The following PUS10 variants were observed in gnomAD, a reference collection of about 807,000 sequenced individuals.
The protein encoded by PUS10 is pseudouridine synthase 10, also known as tRNA pseudouridine synthase Pus10.
PUS10 carries 59 observed loss-of-function variants against 75.0 expected under a neutral mutation model. The ratio of observed to expected loss-of-function variants is 0.79; its 90% CI spans 0.64 to 0.98. The LOEUF is 0.98. Among genes scored for constraint, PUS10 ranks in the 50% least tolerant of loss-of-function variants. The pLI is 0.00. For synonymous variants in PUS10, 219 were observed against 211.6 expected (o/e 1.03, Z -0.30); for missense variants, 650 against 614.4 (o/e 1.06, Z -0.61).
chr2:60,960,299 G>T, intron 11 of PUS10, 93 bp downstream of exon 11: 1 of 954,550 alleles, frequency 1.0e-6, no homozygotes, highest in Non-Finnish European at 1.5e-6. Context: ...AGCTGTGATC[G>T]TGCTACTGCA....
chr2:60,992,352 AT>A (rs1678143647), intron 4 of PUS10, among the ~76,000 whole-genome samples: 1 of 152,130 alleles, frequency 6.6e-6, no homozygotes. Context: ...TTAAAAAAAA[AT>A]GTTTTGGAAT....
At chr2:61,010,874 T>A (rs1279481297) in intron 2 of PUS10, 1 of 1,550,100 alleles carries the variant, frequency 6.5e-7, no homozygotes, top group East Asian at 2.4e-5. Context: ...CCTCTCTGTA[T>A]CTCAGTTTCT....
rs1680144588 is a variant in PUS10, at chr2:61,018,212, G to T, written c.-220C>A. 1.3e-6 allele frequency: 2 copies of T among 1,550,928 alleles called. No individual in the cohort carries two copies. Among genetic ancestry groups the T allele is most frequent in the Non-Finnish European group, 8.7e-7 (1 of 1,146,944 alleles). On this transcript the variant is annotated 5_prime_UTR_variant, in exon 1 of 18. Transcript: ENST00000316752. The stretch of plus-strand genomic sequence containing the variant: ...AGACTTTGGTCTGTAGCAGTTGAGA[G>T]CGGCATTTGTCCAGCCACGGCATCG...
intron 4 of PUS10, among the ~76,000 whole-genome samples, chr2:61,002,115 G>A (rs978096757): frequency 5.3e-5 from 8 of 152,190 alleles, no homozygotes; most frequent in Admixed American, 3.9e-4. Context: ...AACAGCACAA[G>A]CATTACCTAT....
chr2:61,017,755 A>G, intron 1 of PUS10: 2 of 1,548,934 alleles, frequency 1.3e-6, no homozygotes, highest in Admixed American at 2.0e-5. Flanking sequence ...GAGGAGGCGG[A>G]GGAGATGGCG....
chr2:60,970,155 G>GA (rs1195132848), intron 5 of PUS10, among the ~76,000 whole-genome samples: 3 of 151,442 alleles, frequency 2.0e-5, no homozygotes, highest in African/African-American at 7.3e-5. Flanking sequence ...AAAACATTTA[G>GA]AAAAAAGCAT....
intron 1 of PUS10, chr2:61,017,680 G>C (rs1449170136): frequency 3.5e-6 from 4 of 1,158,466 alleles, no homozygotes; most frequent in Non-Finnish European, 3.7e-6. Context: ...TCTGCCCGTT[G>C]TGTCTTACGC....
chr2:60,953,083 C>T lies in PUS10; in HGVS notation c.1222G>A (p.Glu408Lys). The change falls in exon 15 of 18, where the codon GAA becomes AAA. Residue 408 changes from glutamate to lysine, a missense_variant. Coordinates refer to ENST00000316752, the MANE Select transcript of PUS10 (RefSeq NM_144709.4). ...GCACTGTAGGTCTTTGTCTTTTCTT[C>T]TTCACCTTCTTTCATATGTCCTATT... ...EAIGHMKEGE[E>K]EKTKTYSALI... The T allele has an allele frequency of 1.2e-6, 2 of 1,605,202 alleles. No homozygotes were observed. The highest frequency in any genetic ancestry group is 1.3e-5 in the African/African-American group (1 of 74,864).
At chr2:60,994,668 T>C (rs1678332475) in intron 4 of PUS10, among the ~76,000 whole-genome samples, 1 of 152,206 alleles carries the variant, frequency 6.6e-6, no homozygotes, top group South Asian at 2.1e-4. Flanking sequence ...AGAGTTCTGG[T>C]TTCATATTTT....
chr2:60,947,673 C>CA (rs553146803), intron 16 of PUS10, among the ~76,000 whole-genome samples: 3 of 151,686 alleles, frequency 2.0e-5, no homozygotes, highest in South Asian at 4.2e-4. Context: ...ACTAAAAATA[C>CA]AAAAAATTAG....
At chr2:60,974,809 C>T (rs921032991) in intron 4 of PUS10, among the ~76,000 whole-genome samples, 3 of 152,264 alleles carry the variant, frequency 2.0e-5, no homozygotes, top group Non-Finnish European at 4.4e-5. Context: ...CCCATGCTCA[C>T]TCACACACCT....
At chr2:60,985,013 T>C (rs1247563498) in intron 4 of PUS10, among the ~76,000 whole-genome samples, 1 of 152,218 alleles carries the variant, frequency 6.6e-6, no homozygotes, top group African/African-American at 2.4e-5. Context: ...TCAGTAAGCA[T>C]GTGCTGTTTT....
At chr2:60,995,848 A>C (rs1186789332) in intron 4 of PUS10, among the ~76,000 whole-genome samples, 1 of 152,210 alleles carries the variant, frequency 6.6e-6, no homozygotes, top group Non-Finnish European at 1.5e-5. Context: ...CTTTGAGGCT[A>C]CCTCATGTTC....
Position 60,962,826 on chromosome 2 carries a change from T to G in PUS10, c.788A>C (p.Lys263Thr), listed in dbSNP as rs1265265279. ...LNKIKEEDFL[K>T]QFPCPPNSPK... ...TCTTTGTTTCTAAACTTCTACTTAC[T>G]TAAGGAAATCCTCTTCCTTTATCTT... The change falls in exon 9 of 18, where the codon AAG (lysine) becomes ACG (threonine). Residue 263 changes from lysine to threonine, a missense_variant and splice_region_variant. Transcript: ENST00000316752. 6.3e-7 allele frequency: 1 copy of G among 1,585,010 alleles called. No homozygotes were observed. Among genetic ancestry groups the G allele is most frequent in the South Asian group, 1.1e-5 (1 of 87,618 alleles).
At chr2:60,997,095 C>T (rs942372102) in intron 4 of PUS10, among the ~76,000 whole-genome samples, 3 of 152,198 alleles carry the variant, frequency 2.0e-5, no homozygotes, top group African/African-American at 7.2e-5. Flanking sequence ...ACCAATGTTA[C>T]ATTCACAGAA....
intron 4 of PUS10, among the ~76,000 whole-genome samples, chr2:60,994,819 T>C (rs1678342330): frequency 6.6e-6 from 1 of 152,230 alleles, no homozygotes; most frequent in Non-Finnish European, 1.5e-5. Context: ...CCGGGTGCAG[T>C]GGCTCACGCC....
intron 5 of PUS10, 29 bp downstream of exon 5, chr2:60,971,494 A>G: frequency 4.4e-6 from 7 of 1,597,300 alleles, no homozygotes; most frequent in Non-Finnish European, 6.0e-6. Context: ...TTTGAATGGT[A>G]GTAAAAATTC....
intron 11 of PUS10, among the ~76,000 whole-genome samples, chr2:60,959,653 T>G (rs1675894061): frequency 6.6e-6 from 1 of 151,768 alleles, no homozygotes; most frequent in Non-Finnish European, 1.5e-5. Flanking sequence ...CCACCCAGAG[T>G]GCTGGGATTG....
At chr2:60,987,924 AG>A (rs1189407654) in intron 4 of PUS10, among the ~76,000 whole-genome samples, 46 of 151,430 alleles carry the variant, frequency 3.0e-4, no homozygotes, top group African/African-American at 1.0e-3. Context: ...CTCTGTCTCA[AG>A]AAAAAAAAAA....
Sources: gnomAD v4.1 joint callset for allele counts (sites outside exome capture counted in the v4.1 genomes callset) on GRCh38, gnomAD v4.1.1 for gene constraint, MANE v1.5 for transcripts, NCBI Gene and HGNC (gene_info 2026-07-23, HGNC 2026-07-21) for gene names.